Variants in WRN observed in about 807,000 individuals in gnomAD.
WRN encodes the protein WRN RecQ like helicase.
Under a neutral mutation model 180.7 loss-of-function variants are expected in WRN, and 149 were observed. The observed-to-expected ratio is 0.82, with a 90% CI of 0.72 to 0.94. The LOEUF is 0.94. WRN is among the 40% of genes least tolerant of loss of function. The probability of loss-of-function intolerance (pLI) is 0.00; values close to 1 mark genes in which losing one functional copy is unlikely to be tolerated. For missense variants in WRN, 1,661 were observed against 1,700.1 expected, an observed-to-expected ratio of 0.98 and a Z score of 0.40; for synonymous variants, 548 against 568.9, an observed-to-expected ratio of 0.96 and a Z score of 0.52.
intron 23 of WRN, among the ~76,000 whole-genome samples, chr8:31,130,853 T>C (rs912824876): frequency 4.6e-5 from 7 of 152,146 alleles, no homozygotes; most frequent in African/African-American, 1.7e-4. Flanking sequence ...TTTTATATTG[T>C]TTTTTGCTAA....
chr8:31,099,749 A>T (rs1363181991), intron 17 of WRN, among the ~76,000 whole-genome samples: 1 of 152,092 alleles, frequency 6.6e-6, no homozygotes, highest in African/African-American at 2.4e-5. Context: ...ATAATAATAG[A>T]TATTTATTAA....
At chr8:31,105,970 A>G (rs1429044728) in intron 18 of WRN, among the ~76,000 whole-genome samples, 1 of 152,182 alleles carries the variant, frequency 6.6e-6, no homozygotes, top group East Asian at 1.9e-4. Flanking sequence ...ACTACTCAAC[A>G]TGCCTCTGGT....
chr8:31,145,431 A>C (rs1207547062), intron 28 of WRN, among the ~76,000 whole-genome samples: 1 of 152,210 alleles, frequency 6.6e-6, no homozygotes, highest in Non-Finnish European at 1.5e-5. Flanking sequence ...ACCTGTTTAC[A>C]GCATGGTTTC....
At chr8:31,052,799 T>C (rs1286258304) in intron 1 of WRN, among the ~76,000 whole-genome samples, 3 of 152,214 alleles carry the variant, frequency 2.0e-5, no homozygotes, top group African/African-American at 7.2e-5. Flanking sequence ...TAATTTATTA[T>C]TATGAGGTTG....
At chr8:31,114,265 G>A (rs1193163177) in intron 19 of WRN, among the ~76,000 whole-genome samples, 2 of 152,000 alleles carry the variant, frequency 1.3e-5, no homozygotes, top group East Asian at 1.9e-4. Flanking sequence ...GAGCTAAGGT[G>A]TTTCTTAAAC....
intron 17 of WRN, among the ~76,000 whole-genome samples, chr8:31,099,301 G>A (rs896662065): frequency 6.6e-6 from 1 of 151,946 alleles, no homozygotes; most frequent in Non-Finnish European, 1.5e-5. Flanking sequence ...CTACTGGGGA[G>A]GGTAAGGCAG....
At position 31,085,269 on chromosome 8, in the gene WRN, ATTACT is replaced by A. The variant is rs759363782; in HGVS notation, c.1431+25_1431+29del. On this transcript the variant is annotated intron_variant, in intron 11 of 34. Coordinates refer to ENST00000298139, the MANE Select transcript of WRN (RefSeq NM_000553.6). ...AAGGTATGTTTACAATTATAAAAACATTACTTCAAGTTCTTTCCAAAGGACATTTA... is the reference window on the plus strand; with the variant it reads ...AAGGTATGTTTACAATTATAAAAACATCAAGTTCTTTCCAAAGGACATTTA... 2.5e-6 allele frequency: 4 copies of A among 1,611,730 alleles called. No homozygotes were observed. In the South Asian group the frequency reaches 4.4e-5, roughly 18 times the overall value.
chr8:31,067,821 A>G (rs1407236114), intron 6 of WRN, among the ~76,000 whole-genome samples: 2 of 152,126 alleles, frequency 1.3e-5, no homozygotes, highest in Non-Finnish European at 2.9e-5. Flanking sequence ...TCTCCTTTGC[A>G]TCTATCAAAG....
At chr8:31,151,500 A>C (rs1803125635) in intron 31 of WRN, among the ~76,000 whole-genome samples, 1 of 152,166 alleles carries the variant, frequency 6.6e-6, no homozygotes, top group Admixed American at 6.6e-5. Flanking sequence ...ATCATGTGAA[A>C]ATTCTTATTT....
At chr8:31,104,407 A>G (rs529114044) in intron 18 of WRN, among the ~76,000 whole-genome samples, 1 of 152,312 alleles carries the variant, frequency 6.6e-6, no homozygotes, top group Middle Eastern at 3.4e-3. Flanking sequence ...TTAAGAGTTT[A>G]AAAAATACAT....
intron 15 of WRN, 53 bp from the exon 16 acceptor site, chr8:31,091,776 AT>A: frequency 7.0e-7 from 1 of 1,437,946 alleles, no homozygotes; most frequent in South Asian, 1.2e-5. Flanking sequence ...TAAGAGTGAA[AT>A]TGATATGTGT....
At chr8:31,055,964 T>C (rs1240105277) in intron 1 of WRN, among the ~76,000 whole-genome samples, 2 of 152,214 alleles carry the variant, frequency 1.3e-5, no homozygotes, top group Non-Finnish European at 2.9e-5. Flanking sequence ...TATCCCAAGA[T>C]ACAAGTAAAT....
chr8:31,067,628 C>T (rs1812763679), intron 6 of WRN, among the ~76,000 whole-genome samples: 1 of 151,968 alleles, frequency 6.6e-6, no homozygotes, highest in Non-Finnish European at 1.5e-5. Context: ...AAAATTGCCT[C>T]CAAATTTAGC....
chr8:31,071,386 A>G (rs935789494), intron 7 of WRN, among the ~76,000 whole-genome samples: 1 of 152,178 alleles, frequency 6.6e-6, no homozygotes, highest in Non-Finnish European at 1.5e-5. Flanking sequence ...CACAGTAGGA[A>G]TATCTTTTGG....
chr8:31,064,422 T>C lies in WRN; in HGVS notation c.343T>C (p.Ser115Pro). ...SESKCYLFHVSSMSVFPQGLK... is the reference protein window; with the variant it reads ...SESKCYLFHVPSMSVFPQGLK... ...GAGCAAATGTTACTTGTTCCACGTT[T>C]CTTCCATGTCAGGTTGGTATCTCTA... Residue 115 changes from serine (S) to proline (P), a missense_variant, in exon 4 of 35, where the codon TCT becomes CCT. Physicochemically the swap from Ser to Pro is moderately conservative, Grantham distance 74. Around this residue, in one of 3 missense-constraint regions of WRN, gnomAD observed 500 missense variants for 504.1 expected, o/e 0.99. Coordinates refer to ENST00000298139, the MANE Select transcript of WRN (RefSeq NM_000553.6). 1 of 1,614,130 alleles carries C rather than the reference T, an allele frequency of 6.2e-7. No individual in the cohort carries two copies. The highest frequency in any genetic ancestry group is 1.3e-5 in the African/African-American group (1 of 75,046).
chr8:31,106,645 C>T (rs1801108270), intron 18 of WRN, among the ~76,000 whole-genome samples: 1 of 152,158 alleles, frequency 6.6e-6, no homozygotes, highest in South Asian at 2.1e-4. Flanking sequence ...TGGATTTAGG[C>T]CTCCTGGGCC....
intron 1 of WRN, among the ~76,000 whole-genome samples, chr8:31,058,131 A>G (rs1212876351): frequency 6.6e-6 from 1 of 152,220 alleles, no homozygotes; most frequent in African/African-American, 2.4e-5. Flanking sequence ...TATTCTTGAG[A>G]AAGACTCAAA....
chr8:31,100,820 T>G (rs1312366516), intron 17 of WRN, 29 bp from the exon 18 acceptor site: 1 of 1,513,388 alleles, frequency 6.6e-7, no homozygotes, highest in African/African-American at 1.9e-5. Flanking sequence ...GCTTTATCTT[T>G]TCCTTTATGT....
intron 30 of WRN, among the ~76,000 whole-genome samples, chr8:31,148,969 A>G (rs1428869694): frequency 6.6e-6 from 1 of 152,212 alleles, no homozygotes; most frequent in African/African-American, 2.4e-5. Context: ...TTGCTTGGTA[A>G]TTGTATTTGT....
Sources: allele counts gnomAD v4.1 joint callset (sites outside exome capture counted in the v4.1 genomes callset), GRCh38; gene constraint gnomAD v4.1.1; regional missense constraint gnomAD v4.1.1; transcripts MANE v1.5; gene names NCBI Gene and HGNC (gene_info 2026-07-23, HGNC 2026-07-21).